The following MS4A8 variants were observed in gnomAD, a reference collection of about 807,000 sequenced individuals.
The protein encoded by MS4A8 is membrane spanning 4-domains A8, also known as membrane-spanning 4-domains subfamily A member 8.
A neutral mutation model predicts 23.7 loss-of-function variants in MS4A8; 27 were observed. The observed-to-expected ratio is 1.14, with a 90% CI of 0.84 to 1.57. The LOEUF (loss-of-function observed/expected upper bound fraction) is 1.57. Among genes scored for constraint, MS4A8 ranks in the 40% most tolerant of loss-of-function variants. The pLI is 0.00. For missense variants in MS4A8, 301 were observed against 311.4 expected (o/e 0.97, Z 0.25); for synonymous variants, 138 against 126.3 (o/e 1.09, Z -0.62).
chr11:60,705,769 A>G (rs2134657054), intron 3 of MS4A8, among the ~76,000 whole-genome samples: 1 of 152,240 alleles, frequency 6.6e-6, no homozygotes, highest in East Asian at 1.9e-4. Flanking sequence ...GGGAGTATGG[A>G]GTGAGGGTTA....
intron 5 of MS4A8, chr11:60,712,596 C>A: frequency 1.6e-6 from 1 of 617,410 alleles, no homozygotes; most frequent in Non-Finnish European, 2.0e-6. Context: ...GAGTTCAAGA[C>A]CAGCCTGGGC....
chr11:60,709,486 G>A (rs1180252900), intron 5 of MS4A8, among the ~76,000 whole-genome samples: 1 of 152,186 alleles, frequency 6.6e-6, no homozygotes, highest in Non-Finnish European at 1.5e-5. Flanking sequence ...CATGTAATCA[G>A]TATAAAAACT....
intron 4 of MS4A8, 92 bp downstream of exon 4, chr11:60,707,139 C>T (rs1205934940): frequency 1.7e-6 from 2 of 1,157,610 alleles, no homozygotes; most frequent in East Asian, 4.7e-5. Context: ...ATTCCTCCCC[C>T]AGCCTTGCAC....
chr11:60,702,800 T>C (rs1393709937), intron 2 of MS4A8, among the ~76,000 whole-genome samples: 1 of 152,206 alleles, frequency 6.6e-6, no homozygotes, highest in Admixed American at 6.5e-5. Flanking sequence ...ACAACTCTGT[T>C]TTCAAATAGA....
At chr11:60,706,907 T>C in intron 3 of MS4A8, 81 bp from the exon 4 acceptor site, 1 of 1,202,696 alleles carries the variant, frequency 8.3e-7, no homozygotes, top group Non-Finnish European at 1.2e-6. Flanking sequence ...GTACCCACTG[T>C]GTGTGACCAG....
At position 60,703,489 on chromosome 11, in the gene MS4A8, G is replaced by T. The variant is rs1345547587; in HGVS notation, c.331G>T (p.Gly111Ter). Residue 111 changes from glycine (G) to a stop codon, truncating the protein, a stop_gained, in exon 3 of 7, where the codon GGA becomes TGA. Transcript: ENST00000300226. LOFTEE classifies it high-confidence loss of function. The part of the protein sequence containing the change: ...ISFYGGFPFW[G>*]GLWFIISGSL... ...ATTCTACGGAGGCTTTCCCTTCTGG[G>T]GAGGCTTGTGGGTGAGTAACTCAAG... The T allele has an allele frequency of 6.2e-7, 1 of 1,607,430 alleles. No individual in the cohort carries two copies. The highest frequency in any genetic ancestry group is 1.7e-5 in the Admixed American group (1 of 58,956).
chr11:60,708,286 C>T (rs189894713), intron 4 of MS4A8, among the ~76,000 whole-genome samples: 11 of 152,350 alleles, frequency 7.2e-5, no homozygotes, highest in Admixed American at 3.9e-4. Context: ...AGTCCCACCA[C>T]GATGATCTGT....
At chr11:60,701,206 A>G in intron 2 of MS4A8, 127 bp downstream of exon 2, 1 of 856,712 alleles carries the variant, frequency 1.2e-6, no homozygotes, top group Non-Finnish European at 1.9e-6. Context: ...GCGCCTTGCC[A>G]AGCACAGGTC....
chr11:60,700,850 T>C lies in MS4A8; in HGVS notation c.-1-10T>C. The C allele has an allele frequency of 1.2e-6, 2 of 1,614,148 alleles. No homozygotes were observed. The highest frequency in any genetic ancestry group is 1.7e-6 in the Non-Finnish European group (2 of 1,179,936). ...TGAGGGAAAATTCTCTCGCATTTAT[T>C]TCTTGGCAGCATGAATTCGATGACT... On this transcript the variant is annotated splice_polypyrimidine_tract_variant and intron_variant, in intron 1 of 6. Coordinates refer to ENST00000300226, the MANE Select transcript of MS4A8 (RefSeq NM_031457.2).
intron 4 of MS4A8, 31 bp from the exon 5 acceptor site, chr11:60,708,619 C>A: frequency 6.1e-6 from 9 of 1,481,794 alleles, no homozygotes; most frequent in South Asian, 3.0e-5. Context: ...CAGCTTTTCT[C>A]GCCCATCCTG....
At chr11:60,701,357 C>T in intron 2 of MS4A8, 2 of 555,534 alleles carry the variant, frequency 3.6e-6, no homozygotes, top group South Asian at 1.5e-5. Context: ...CCAGGATCCA[C>T]GCCCAGCCCT....
intron 1 of MS4A8, 45 bp downstream of exon 1, chr11:60,699,820 A>G (rs555055435): frequency 6.6e-6 from 1 of 152,488 alleles, no homozygotes; most frequent in African/African-American, 2.4e-5. Flanking sequence ...AGTTGGTGAT[A>G]AGGTTTTTCT....
In MS4A8 at chr11:60,708,678, T is replaced by C; in HGVS notation, c.431T>C (p.Val144Ala). The change falls in exon 5 of 7, where the codon GTC (valine) becomes GCC (alanine). Residue 144 changes from valine to alanine, a missense_variant. Val to Ala is a moderately conservative substitution (Grantham distance 64, BLOSUM62 0). Coordinates refer to ENST00000300226, the MANE Select transcript of MS4A8 (RefSeq NM_031457.2). ...LLSGSLGLNI[V>A]SAICSAVGVI... ...TCTGGCAGTTTGGGCTTGAACATCG[T>C]CAGTGCAATCTGCTCTGCAGTTGGA... 6.4e-7 allele frequency: 1 copy of C among 1,571,200 alleles called. No individual in the cohort carries two copies. Among genetic ancestry groups the C allele is most frequent in the Non-Finnish European group, 8.6e-7 (1 of 1,160,964 alleles).
Position 60,715,465 on chromosome 11 carries a change from C to A in MS4A8, c.*51C>A. 6.8e-7 allele frequency: 1 copy of A among 1,462,778 alleles called. No individual in the cohort carries two copies. Among genetic ancestry groups the A allele is most frequent in the Non-Finnish European group, 9.5e-7 (1 of 1,052,036 alleles). 90.6% of individuals were successfully genotyped at this position (1,462,778 alleles called of 1,614,324 possible). On this transcript the variant is annotated 3_prime_UTR_variant, in exon 7 of 7. Transcript: ENST00000300226. ...CACTGGGACCAAAAGAAGTCCTCCT[C>A]CCTTTCTGGGCTTCCATAACCCAGG...
intron 3 of MS4A8, among the ~76,000 whole-genome samples, chr11:60,705,424 C>T (rs1443592531): frequency 6.6e-6 from 1 of 152,262 alleles, no homozygotes; most frequent in Non-Finnish European, 1.5e-5. Flanking sequence ...CTTCAGCCCT[C>T]ATGACCTTCC....
At chr11:60,713,909 C>CTTT (rs1170997070) in intron 5 of MS4A8, among the ~76,000 whole-genome samples, 8 of 101,942 alleles carry the variant, frequency 7.8e-5, no homozygotes, top group African/African-American at 1.6e-4. Flanking sequence ...GGTGATGACT[C>CTTT]TTTTTTTTTT....
At position 60,715,034 on chromosome 11, in the gene MS4A8, C is replaced by T. The variant is rs758725009; in HGVS notation, c.548C>T (p.Ala183Val). Residue 183 changes from alanine to valine, a missense_variant, in exon 6 of 7, where the codon GCG becomes GTG. Ala to Val is a moderately conservative substitution (Grantham distance 64, BLOSUM62 0). Transcript: ENST00000300226. ...PYAWGVNPGM[A>V]ISGVLLVFCL... Reference sequence around the variant, plus strand: ...CTCTGCCTACAGAACCCTGGAATGGCGATTTCTGGCGTGCTGCTGGTCTTC... The same window carrying T: ...CTCTGCCTACAGAACCCTGGAATGGTGATTTCTGGCGTGCTGCTGGTCTTC... 1.1e-5 allele frequency: 18 copies of T among 1,613,754 alleles called. No individual in the cohort carries two copies. In the East Asian group the frequency reaches 1.3e-4, roughly 12 times the overall value.
intron 5 of MS4A8, among the ~76,000 whole-genome samples, chr11:60,710,769 C>G (rs976489531): frequency 1.3e-5 from 2 of 152,142 alleles, no homozygotes; most frequent in Non-Finnish European, 2.9e-5. Context: ...CTCTGGTGCC[C>G]CCCGCCCCTG....
At chr11:60,706,069 C>A (rs941354149) in intron 3 of MS4A8, among the ~76,000 whole-genome samples, 11 of 152,132 alleles carry the variant, frequency 7.2e-5, no homozygotes, top group African/African-American at 2.7e-4. Context: ...TGCAAATGTT[C>A]TAACTTACAT....
Sources: gnomAD v4.1 joint callset for allele counts (sites outside exome capture counted in the v4.1 genomes callset) on GRCh38, gnomAD v4.1.1 for gene constraint, MANE v1.5 for transcripts, NCBI Gene and HGNC (gene_info 2026-07-23, HGNC 2026-07-21) for gene names.